Variants in TENM4 observed in about 807,000 individuals in gnomAD.
TENM4 encodes the protein teneurin transmembrane protein 4.
A neutral mutation model predicts 243.3 loss-of-function variants in TENM4; 82 were observed. The observed-to-expected ratio is 0.34, with a 90% CI of 0.28 to 0.40. The LOEUF (loss-of-function observed/expected upper bound fraction) is 0.40. TENM4 is among the 10% of genes least tolerant of loss of function. The pLI is 1.00. For missense variants in TENM4, 3,138 were observed against 3,673.3 expected, an observed-to-expected ratio of 0.85 and a Z score of 3.77; for synonymous variants, 1,412 against 1,456.3, an observed-to-expected ratio of 0.97 and a Z score of 0.69.
At chr11:78,910,248 C>G (rs1436923372) in intron 6 of TENM4, among the ~76,000 whole-genome samples, 1 of 152,108 alleles carries the variant, frequency 6.6e-6, no homozygotes, top group Non-Finnish European at 1.5e-5. Flanking sequence ...TAATGATGAC[C>G]CAAGCATACA....
At chr11:79,196,669 TCC>T (rs1218332478) in intron 3 of TENM4, among the ~76,000 whole-genome samples, 1 of 152,126 alleles carries the variant, frequency 6.6e-6, no homozygotes, top group Non-Finnish European at 1.5e-5. Context: ...TGAGGACATT[TCC>T]AGGGGGTGCA....
At chr11:79,230,233 T>A (rs1864349652) in intron 2 of TENM4, among the ~76,000 whole-genome samples, 1 of 152,204 alleles carries the variant, frequency 6.6e-6, no homozygotes, top group Admixed American at 6.5e-5. Flanking sequence ...CCACTGTTCC[T>A]TCTTTCAGGA....
intron 4 of TENM4, among the ~76,000 whole-genome samples, chr11:79,130,595 G>T (rs972326382): frequency 6.6e-6 from 1 of 152,188 alleles, no homozygotes; most frequent in Admixed American, 6.5e-5. Flanking sequence ...AGGCCAAGGC[G>T]GGTGGATCAC....
intron 3 of TENM4, among the ~76,000 whole-genome samples, chr11:79,162,138 C>T (rs1232270731): frequency 6.6e-6 from 1 of 152,140 alleles, no homozygotes; most frequent in Admixed American, 6.6e-5. Flanking sequence ...TTAGCAAGAC[C>T]CTGTGTGCAG....
chr11:78,703,888 G>C (rs1338275900), intron 27 of TENM4, among the ~76,000 whole-genome samples: 1 of 151,148 alleles, frequency 6.6e-6, no homozygotes, highest in Non-Finnish European at 1.5e-5. Flanking sequence ...GTCTCACTCT[G>C]TCACCCGGGC....
At chr11:79,217,011 C>T (rs1163511825) in intron 2 of TENM4, among the ~76,000 whole-genome samples, 4 of 152,176 alleles carry the variant, frequency 2.6e-5, no homozygotes, top group Non-Finnish European at 5.9e-5. Context: ...CCCTCTAAGC[C>T]TCAGTTCCCT....
chr11:78,993,646 G>T (rs1455344911), intron 6 of TENM4, among the ~76,000 whole-genome samples: 1 of 152,004 alleles, frequency 6.6e-6, no homozygotes, highest in East Asian at 1.9e-4. Context: ...TGTACAATCT[G>T]CTGTTAAACC....
At position 79,195,182 on chromosome 11, in the gene TENM4, C is replaced by A. The variant is rs1863598381; in HGVS notation, c.-163+20626G>T. Among the ~76,000 whole-genome samples the A allele has an allele frequency of 2.0e-5, 3 of 152,204 alleles. No homozygotes were observed. The South Asian group carries it at 6.2e-4, about 32-fold the overall frequency. On this transcript the variant is annotated intron_variant, in intron 3 of 33. Coordinates refer to ENST00000278550, the MANE Select transcript of TENM4 (RefSeq NM_001098816.3). ...GATTTCAGAAGATGTATGGAAATGT[C>A]TGGATGCTGAGGCAAAAGTCTGCTG... is the stretch of plus-strand genomic sequence containing the variant.
intron 14 of TENM4, among the ~76,000 whole-genome samples, chr11:78,809,089 T>G (rs1163829986): frequency 6.6e-6 from 1 of 152,164 alleles, no homozygotes; most frequent in Non-Finnish European, 1.5e-5. Context: ...ATCCCCATCA[T>G]TAGCAAGCAG....
chr11:78,856,453 TG>T (rs1858683956), intron 10 of TENM4, among the ~76,000 whole-genome samples: 1 of 152,218 alleles, frequency 6.6e-6, no homozygotes, highest in African/African-American at 2.4e-5. Context: ...ATCTGTTTAC[TG>T]CATAATTCCA....
chr11:79,409,350 G>C (rs1411010142), intron 1 of TENM4, among the ~76,000 whole-genome samples: 1 of 152,086 alleles, frequency 6.6e-6, no homozygotes, highest in African/African-American at 2.4e-5. Context: ...GCATAGAGCA[G>C]GACTGAAATC....
intron 3 of TENM4, among the ~76,000 whole-genome samples, chr11:79,154,153 G>T (rs1862559481): frequency 6.6e-6 from 1 of 152,016 alleles, no homozygotes; most frequent in Non-Finnish European, 1.5e-5. Flanking sequence ...AAAAAAAGAG[G>T]TTTAATTGGC....
At chr11:79,119,462 G>A (rs922903851) in intron 4 of TENM4, among the ~76,000 whole-genome samples, 3 of 152,164 alleles carry the variant, frequency 2.0e-5, no homozygotes, top group African/African-American at 7.2e-5. Context: ...CAGTGGGAAT[G>A]CAAGGATAAT....
At chr11:79,432,539 C>T (rs1482781380) in intron 1 of TENM4, among the ~76,000 whole-genome samples, 1 of 152,086 alleles carries the variant, frequency 6.6e-6, no homozygotes, top group African/African-American at 2.4e-5. Context: ...AGTTTTTTAC[C>T]GAACAGAAGA....
At chr11:79,123,460 G>A (rs137910312) in intron 4 of TENM4, among the ~76,000 whole-genome samples, 2,350 of 152,236 alleles carry the variant, frequency 0.015, 33 homozygotes, top group Middle Eastern at 0.055. Context: ...GTCAAGAGAG[G>A]GGGTCAAGTC....
At chr11:78,765,037 T>C (rs555570099) in intron 18 of TENM4, among the ~76,000 whole-genome samples, 1 of 152,170 alleles carries the variant, frequency 6.6e-6, no homozygotes, top group Non-Finnish European at 1.5e-5. Context: ...ATGGACAGTG[T>C]ATAGCAAGCC....
At chr11:79,317,841 T>C (rs1205571099) in intron 1 of TENM4, among the ~76,000 whole-genome samples, 1 of 152,196 alleles carries the variant, frequency 6.6e-6, no homozygotes, top group Admixed American at 6.6e-5. Context: ...CTCCGGGTCT[T>C]GCATCTGAGT....
intron 6 of TENM4, among the ~76,000 whole-genome samples, chr11:78,912,246 G>GA (rs1468018190): frequency 6.6e-6 from 1 of 152,166 alleles, no homozygotes. Context: ...AGGGTGTTCA[G>GA]AAAGAGGGCT....
rs949220 is a variant in TENM4 at position 78,689,274 on chromosome 11, G to A, written c.5088-1048C>T. Among the ~76,000 whole-genome samples, 206 of 152,166 alleles carry A rather than the reference G, an allele frequency of 1.4e-3. No individual in the cohort carries two copies. The Middle Eastern group carries it at 0.017, about 13-fold the overall frequency. ...CCATTTGCAAGTATTCAACACATGC[G>A]CTCCTCCCTGGCAGGAGTGGGCTAT... On this transcript the variant is annotated intron_variant, in intron 28 of 33. Transcript: ENST00000278550.
Sources: allele counts gnomAD v4.1 joint callset (sites outside exome capture counted in the v4.1 genomes callset), GRCh38; gene constraint gnomAD v4.1.1; transcripts MANE v1.5; gene names NCBI Gene and HGNC (gene_info 2026-07-23, HGNC 2026-07-21).